The following DHX40 variants were observed in gnomAD, a reference collection of about 807,000 sequenced individuals.
DHX40 encodes the protein probable ATP-dependent RNA helicase DHX40.
Under a neutral mutation model 89.6 loss-of-function variants are expected in DHX40, and 28 were observed. The observed-to-expected ratio is 0.31, with a 90% confidence interval of 0.23 to 0.43. The LOEUF is 0.43. Among genes scored for constraint, DHX40 ranks in the 20% least tolerant of loss-of-function variants. The pLI, the probability that DHX40 is intolerant of heterozygous loss-of-function variation, is 1.00. For missense variants in DHX40, 457 were observed against 844.0 expected, an observed-to-expected ratio of 0.54 and a Z score of 5.68; for synonymous variants, 226 against 283.6, an observed-to-expected ratio of 0.80 and a Z score of 2.04.
rs901770409 is a variant in DHX40 at position 59,606,700 on chromosome 17, T to C, written c.2201-333T>C. Among the ~76,000 whole-genome samples, 3 of 149,240 alleles carry C rather than the reference T, an allele frequency of 2.0e-5. No homozygotes were observed. The Admixed American group carries it at 2.0e-4, about 10-fold the overall frequency. ...GGCAGAGCTTGCAGTGAGCCGAGAT[T>C]GCGCCACTGCACTCCAGCCTGGGCG... is the stretch of plus-strand genomic sequence containing the variant. On this transcript the variant is annotated intron_variant, in intron 17 of 17. Coordinates refer to ENST00000251241, the MANE Select transcript of DHX40 (RefSeq NM_024612.5).
At chr17:59,577,150 T>A in intron 7 of DHX40, 116 bp from the exon 8 acceptor site, 1 of 831,546 alleles carries the variant, frequency 1.2e-6, no homozygotes, top group East Asian at 2.7e-5. Context: ...ATTACAGGCG[T>A]GAGTCACCAC....
At position 59,573,877 on chromosome 17, in the gene DHX40, T is replaced by G; in HGVS notation, c.684T>G (p.Phe228Leu). ...CATTCTTTGGAAATTGTCCAATATT[T>G]GATATACCTGGAAGGCTTTATCCAG... ...LSAFFGNCPIFDIPGRLYPVR... is the reference protein window; with the variant it reads ...LSAFFGNCPILDIPGRLYPVR... Residue 228 changes from phenylalanine (F) to leucine (L), a missense_variant, in exon 5 of 18, where the codon TTT becomes TTG. Phe to Leu is a conservative substitution (Grantham distance 22). Coordinates refer to ENST00000251241, the MANE Select transcript of DHX40 (RefSeq NM_024612.5). The G allele has an allele frequency of 1.2e-6, 2 of 1,612,106 alleles. No individual in the cohort carries two copies. Among genetic ancestry groups the G allele is most frequent in the Non-Finnish European group, 1.7e-6 (2 of 1,179,280 alleles).
At chr17:59,599,956 T>C (rs529204554) in intron 14 of DHX40, among the ~76,000 whole-genome samples, 90 of 151,400 alleles carry the variant, frequency 5.9e-4, no homozygotes, top group African/African-American at 2.0e-3. Context: ...CCCAAGTAGC[T>C]GGGATTACAG....
chr17:59,586,848 G>C (rs554122514), intron 11 of DHX40, among the ~76,000 whole-genome samples: 1 of 151,934 alleles, frequency 6.6e-6, no homozygotes, highest in Non-Finnish European at 1.5e-5. Flanking sequence ...GGTTAGGTTT[G>C]ATATTAATAA....
intron 3 of DHX40, among the ~76,000 whole-genome samples, chr17:59,571,965 T>C (rs1051130788): frequency 6.6e-6 from 1 of 152,246 alleles, no homozygotes; most frequent in Non-Finnish European, 1.5e-5. Flanking sequence ...CGTGTCACTC[T>C]TATTTCACTG....
intron 12 of DHX40, among the ~76,000 whole-genome samples, chr17:59,588,697 T>C (rs911136815): frequency 3.3e-5 from 5 of 152,100 alleles, no homozygotes; most frequent in African/African-American, 1.2e-4. Context: ...GATAGATCTT[T>C]TGTAAATATT....
intron 7 of DHX40, among the ~76,000 whole-genome samples, chr17:59,576,867 G>GT (rs751587416): frequency 0.012 from 1,765 of 142,182 alleles, 18 homozygotes; most frequent in African/African-American, 0.032. Context: ...TCTTGCCTCT[G>GT]TTTTTTTTTT....
chr17:59,570,236 A>C (rs983377219), intron 2 of DHX40, among the ~76,000 whole-genome samples: 1 of 127,700 alleles, frequency 7.8e-6, no homozygotes, highest in Non-Finnish European at 1.6e-5. Context: ...ATATTAGTAT[A>C]TAATATATAT....
chr17:59,573,315 T>G, intron 4 of DHX40, 80 bp downstream of exon 4: 1 of 1,201,600 alleles, frequency 8.3e-7, no homozygotes, highest in Non-Finnish European at 1.1e-6. Flanking sequence ...GAGAATTGCC[T>G]CCTCTTACTT....
At chr17:59,594,121 G>T (rs1336849180) in intron 12 of DHX40, among the ~76,000 whole-genome samples, 1 of 152,010 alleles carries the variant, frequency 6.6e-6, no homozygotes, top group African/African-American at 2.4e-5. Flanking sequence ...ACAGCTTTGG[G>T]CATGAGAACA....
Position 59,573,734 on chromosome 17 carries a change from T to C in DHX40, c.547-6T>C. 3 of 1,613,834 alleles carry C rather than the reference T, an allele frequency of 1.9e-6. No homozygotes were observed. The highest frequency in any genetic ancestry group is 2.5e-6 in the Non-Finnish European group (3 of 1,179,892). On this transcript the variant is annotated splice_region_variant and splice_polypyrimidine_tract_variant and intron_variant, in intron 4 of 17. Coordinates refer to ENST00000251241, the MANE Select transcript of DHX40 (RefSeq NM_024612.5). ...GTGACTTACTAGAAATTTACTTTTC[T>C]TTCAGGATATCTTATTTGGTTTATT...
chr17:59,574,537 G>A (rs894320205), intron 6 of DHX40, among the ~76,000 whole-genome samples: 30 of 150,744 alleles, frequency 2.0e-4, no homozygotes, highest in African/African-American at 5.4e-4. Context: ...TGTCAAAGAC[G>A]TAATAGTGTA....
chr17:59,606,014 T>C (rs1006906821), intron 17 of DHX40, among the ~76,000 whole-genome samples: 5 of 152,092 alleles, frequency 3.3e-5, no homozygotes, highest in African/African-American at 9.7e-5. Context: ...CAGAATCCCC[T>C]TTGTTTCCAA....
chr17:59,591,875 T>A (rs1488885481), intron 12 of DHX40, among the ~76,000 whole-genome samples: 2 of 151,686 alleles, frequency 1.3e-5, no homozygotes, highest in Non-Finnish European at 2.9e-5. Flanking sequence ...CGGAAATTGT[T>A]TTGTTTTGTT....
chr17:59,600,809 A>G (rs772342548), intron 14 of DHX40, among the ~76,000 whole-genome samples: 2 of 149,494 alleles, frequency 1.3e-5, no homozygotes, highest in East Asian at 3.9e-4. Context: ...ATGCCACTAC[A>G]CTCTAGCCTG....
At chr17:59,605,043 C>A (rs1467752574) in intron 15 of DHX40, 72 bp from the exon 16 acceptor site, 2 of 1,265,376 alleles carry the variant, frequency 1.6e-6, no homozygotes, top group African/African-American at 1.5e-5. Flanking sequence ...TTGTTCATTG[C>A]TGAATGTAAT....
intron 2 of DHX40, among the ~76,000 whole-genome samples, chr17:59,568,297 CAG>C (rs1304493611): frequency 6.6e-6 from 1 of 152,098 alleles, no homozygotes; most frequent in African/African-American, 2.4e-5. Flanking sequence ...TTCAGTATGA[CAG>C]AACTTTCTGT....
In DHX40 at chr17:59,605,879, C is replaced by T. The variant is rs372064019; in HGVS notation, c.2200+205C>T. 9.8e-5 allele frequency: 61 copies of T among 621,100 alleles called. No individual in the cohort carries two copies. In the East Asian group the frequency reaches 1.2e-3, roughly 13 times the overall value. The allele number at this position is 621,100 out of a possible 1,614,324, so 38.5% of individuals were successfully genotyped here. ...ACTTGGGAGGCTGATGCAGGAGGATCGCTTGAACCCAGGAGTTTGAGGCTG... is the reference window on the plus strand; with the variant it reads ...ACTTGGGAGGCTGATGCAGGAGGATTGCTTGAACCCAGGAGTTTGAGGCTG... On this transcript the variant is annotated intron_variant, in intron 17 of 17. Coordinates refer to ENST00000251241, the MANE Select transcript of DHX40 (RefSeq NM_024612.5).
At chr17:59,594,712 G>A (rs2029908278) in intron 12 of DHX40, among the ~76,000 whole-genome samples, 1 of 152,074 alleles carries the variant, frequency 6.6e-6, no homozygotes, top group African/African-American at 2.4e-5. Context: ...GGGAATAGAG[G>A]ACTGCGTAGG....
Sources: allele counts gnomAD v4.1 joint callset (sites outside exome capture counted in the v4.1 genomes callset), GRCh38; gene constraint gnomAD v4.1.1; transcripts MANE v1.5; gene names NCBI Gene and HGNC (gene_info 2026-07-23, HGNC 2026-07-21).